Variants in COL21A1 observed in about 807,000 individuals in gnomAD.
COL21A1 encodes collagen alpha-1(XXI) chain.
A neutral mutation model predicts 137.9 loss-of-function variants in COL21A1; 149 were observed. That is an observed-to-expected ratio of 1.08 (90% CI 0.95 to 1.24). The LOEUF is 1.24. COL21A1 is among the 50% of genes most tolerant of loss of function. The pLI, the probability that COL21A1 is intolerant of heterozygous loss-of-function variation, is 0.00. For synonymous variants in COL21A1, 456 were observed against 391.5 expected, an observed-to-expected ratio of 1.16 and a Z score of -1.95; for missense variants, 1,167 against 1,158.4, an observed-to-expected ratio of 1.01 and a Z score of -0.11.
chr6:56,328,962 G>A (rs190053139), intron 1 of COL21A1, among the ~76,000 whole-genome samples: 24 of 152,162 alleles, frequency 1.6e-4, no homozygotes, highest in Non-Finnish European at 1.3e-4. Flanking sequence ...GAGTCGTATA[G>A]TTCAGAGCCT....
At chr6:56,355,200 A>G (rs1427273298) in intron 1 of COL21A1, among the ~76,000 whole-genome samples, 1 of 152,130 alleles carries the variant, frequency 6.6e-6, no homozygotes, top group Non-Finnish European at 1.5e-5. Flanking sequence ...CTTAAGATAG[A>G]AGTACTGACA....
At chr6:56,147,633 A>G (rs753169246) in intron 10 of COL21A1, among the ~76,000 whole-genome samples, 15 of 152,066 alleles carry the variant, frequency 9.9e-5, no homozygotes, top group Admixed American at 3.9e-4. Context: ...AATTTAATAT[A>G]CCAATAACAT....
chr6:56,211,193 A>ATG (rs1182975505), intron 1 of COL21A1, among the ~76,000 whole-genome samples: 1 of 19,146 alleles, frequency 5.2e-5, no homozygotes, highest in Non-Finnish European at 9.3e-5. Flanking sequence ...ATATGTATAT[A>ATG]TGTATATATA....
rs13209920 is a variant in COL21A1 at position 56,288,249 on chromosome 6, T to G, written c.-38-105593A>C. 6.3e-3 allele frequency among the ~76,000 whole-genome samples: 944 copies of G among 149,048 alleles called. 16 individuals carry two copies. The highest frequency in any genetic ancestry group is 0.022 in the African/African-American group (873 of 40,538). On this transcript the variant is annotated intron_variant, in intron 1 of 28. Coordinates refer to the COL21A1 transcript ENST00000370819. ...TCCAGCTTATTACATTTTAAAAAAATAAAAGAAAAAAAAAAGGAAATGCTG... is the reference window on the plus strand; with the variant it reads ...TCCAGCTTATTACATTTTAAAAAAAGAAAAGAAAAAAAAAAGGAAATGCTG...
chr6:56,247,849 GA>G (rs36100076), upstream of COL21A1: 910 of 152,972 alleles, frequency 5.9e-3, 10 homozygotes, highest in Admixed American at 0.01. Context: ...CAACTCAGTT[GA>G]AAGGGCAAGC....
At chr6:56,214,468 T>C (rs1438918372) in intron 1 of COL21A1, among the ~76,000 whole-genome samples, 2 of 152,114 alleles carry the variant, frequency 1.3e-5, no homozygotes, top group Non-Finnish European at 2.9e-5. Flanking sequence ...ATGAACTAAG[T>C]TGTGCCAGAA....
intron 1 of COL21A1, among the ~76,000 whole-genome samples, chr6:56,272,376 C>T (rs1763549247): frequency 6.6e-6 from 1 of 151,452 alleles, no homozygotes. Context: ...AACATTTACC[C>T]AATGCCTGCA....
At chr6:56,080,577 C>T (rs919680601) in intron 17 of COL21A1, among the ~76,000 whole-genome samples, 6 of 151,644 alleles carry the variant, frequency 4.0e-5, no homozygotes, top group Non-Finnish European at 8.9e-5. Flanking sequence ...AGTATACTCC[C>T]CATATGTAAT....
intron 17 of COL21A1, among the ~76,000 whole-genome samples, chr6:56,085,192 A>G (rs1188994337): frequency 6.6e-6 from 1 of 152,070 alleles, no homozygotes; most frequent in Non-Finnish European, 1.5e-5. Context: ...ATTACATAAA[A>G]TTTTTTAAAT....
rs557392819 is a variant in COL21A1 at position 56,122,381 on chromosome 6, C to T, written c.1758+1681G>A. ...AGGCTGGCGTGCAGTGGCGCCATCT[C>T]GGCTCACTGCAAGCTCCGCCTCCTG... On this transcript the variant is annotated intron_variant, in intron 16 of 29. Transcript: ENST00000244728. Among the ~76,000 whole-genome samples, 474 of 151,528 alleles carry T rather than the reference C, an allele frequency of 3.1e-3. 4 individuals are homozygous for T. The highest frequency in any genetic ancestry group is 0.011 in the African/African-American group (446 of 41,274).
rs542459744 is a variant in COL21A1 at position 56,355,996 on chromosome 6, G to A, written c.-39+37975C>T. 2.0e-5 allele frequency among the ~76,000 whole-genome samples: 3 copies of A among 152,318 alleles called. No homozygotes were observed. The East Asian group carries it at 5.8e-4, about 29-fold the overall frequency. On this transcript the variant is annotated intron_variant, in intron 1 of 28. Coordinates refer to the COL21A1 transcript ENST00000370819. ...GGATGCAGAAGCTGAGGAGGAAATG[G>A]ATTCGGACCTTGCTGAAGCTGGGTT...
intron 1 of COL21A1, among the ~76,000 whole-genome samples, chr6:56,272,223 T>G (rs1254295722): frequency 6.6e-6 from 1 of 152,226 alleles, no homozygotes; most frequent in Non-Finnish European, 1.5e-5. Flanking sequence ...ACCATGGTCT[T>G]GGGAGCTCAT....
intron 1 of COL21A1, among the ~76,000 whole-genome samples, chr6:56,320,272 T>A (rs1478212012): frequency 6.6e-6 from 1 of 152,134 alleles, no homozygotes; most frequent in Non-Finnish European, 1.5e-5. Flanking sequence ...CTTCAAAATA[T>A]GTCTAAAACT....
intron 18 of COL21A1, among the ~76,000 whole-genome samples, chr6:56,076,117 G>C (rs994987788): frequency 6.6e-6 from 1 of 151,496 alleles, no homozygotes; most frequent in African/African-American, 2.4e-5. Flanking sequence ...GCCAGAGACA[G>C]AACTGTAGAA....
At chr6:56,158,096 T>TA (rs1775890820) in intron 9 of COL21A1, among the ~76,000 whole-genome samples, 1 of 151,978 alleles carries the variant, frequency 6.6e-6, no homozygotes, top group South Asian at 2.1e-4. Flanking sequence ...AATTTAATTC[T>TA]AAAAAATACT....
At chr6:56,288,748 G>A (rs112691089) in intron 1 of COL21A1, among the ~76,000 whole-genome samples, 8 of 152,150 alleles carry the variant, frequency 5.3e-5, no homozygotes, top group African/African-American at 7.2e-5. Flanking sequence ...TGCCATTCAC[G>A]GTTCCTGAAA....
At chr6:56,089,344 T>C (rs951892853) in intron 17 of COL21A1, among the ~76,000 whole-genome samples, 1 of 152,224 alleles carries the variant, frequency 6.6e-6, no homozygotes, top group Non-Finnish European at 1.5e-5. Context: ...GTATGTTCTG[T>C]AAATGTTTGT....
chr6:56,273,504 A>G (rs2152332789), intron 1 of COL21A1, among the ~76,000 whole-genome samples: 1 of 152,352 alleles, frequency 6.6e-6, no homozygotes, highest in South Asian at 2.1e-4. Context: ...AAAACAGAGA[A>G]GATCCAAATA....
In COL21A1 at chr6:56,276,880, T is replaced by C. The variant is rs1027809392; in HGVS notation, c.-38-94224A>G. On this transcript the variant is annotated intron_variant, in intron 1 of 28. Transcript: ENST00000370819. ...CTGGAGTGCAGTGACGCGGTCCAGCTCACTGCAAGCTCTGCCTCCCGGGTT... is the reference window on the plus strand; with the variant it reads ...CTGGAGTGCAGTGACGCGGTCCAGCCCACTGCAAGCTCTGCCTCCCGGGTT... 21 of 523,452 alleles carry C rather than the reference T, an allele frequency of 4.0e-5. No individual in the cohort carries two copies. The Admixed American group carries it at 6.5e-4, about 16-fold the overall frequency. The allele number at this position is 523,452 out of a possible 1,614,324, so 32.4% of individuals were successfully genotyped here.
Sources: allele counts gnomAD v4.1 joint callset (sites outside exome capture counted in the v4.1 genomes callset), GRCh38; gene constraint gnomAD v4.1.1; transcripts MANE v1.5; gene names NCBI Gene and HGNC (gene_info 2026-07-23, HGNC 2026-07-21).